The following LRP1B variants were observed in gnomAD, a reference collection of about 807,000 sequenced individuals.
LRP1B encodes low-density lipoprotein receptor-related protein 1B.
In LRP1B, 217 loss-of-function variants were observed where a neutral mutation model predicts 556.6. The ratio of observed to expected loss-of-function variants is 0.39; its 90% CI spans 0.35 to 0.44. The LOEUF (loss-of-function observed/expected upper bound fraction) is 0.44, where lower values mean the gene tolerates loss of function less well. LRP1B is among the 20% of genes least tolerant of loss of function. The probability of loss-of-function intolerance (pLI) is 1.00; values close to 1 mark genes in which losing one functional copy is unlikely to be tolerated. For missense variants in LRP1B, 5,053 were observed against 5,620.8 expected (o/e 0.90, Z 3.23); for synonymous variants, 2,047 against 1,865.8 (o/e 1.10, Z -2.50).
rs1211623356 is a variant in LRP1B, at chr2:140,568,442, GAAGA to G, written c.7195-26475_7195-26472del. On this transcript the variant is annotated intron_variant, in intron 43 of 90. Transcript: ENST00000389484. ...ACTTATAATTATTCTGTCAGAGAAA[GAAGA>G]AATAATGAAAAAAAGTAAAGGAAGT... Among the ~76,000 whole-genome samples the G allele has an allele frequency of 7.9e-5, 12 of 151,692 alleles. No homozygotes were observed. The East Asian group carries it at 2.3e-3, about 29-fold the overall frequency.
At chr2:140,545,040 T>C (rs2105030117) in intron 43 of LRP1B, among the ~76,000 whole-genome samples, 1 of 152,280 alleles carries the variant, frequency 6.6e-6, no homozygotes, top group African/African-American at 2.4e-5. Flanking sequence ...ATTTCTCTAA[T>C]GATCAGTCAT....
At chr2:140,705,453 C>T (rs1183630930) in intron 37 of LRP1B, among the ~76,000 whole-genome samples, 3 of 137,546 alleles carry the variant, frequency 2.2e-5, no homozygotes, top group Admixed American at 7.9e-5. Context: ...GAACCCGGGA[C>T]ACAGAGTCCG....
chr2:141,624,032 T>TAAAAAAAAAAAAAAAAAAA (rs761446527), intron 2 of LRP1B, among the ~76,000 whole-genome samples: 1 of 14,448 alleles, frequency 6.9e-5, no homozygotes, highest in Non-Finnish European at 1.7e-4. Context: ...AAAAAAAAAT[T>TAAAAAAAAAAAAAAAAAAA]AAACAAAAAA....
At chr2:140,812,057 A>T (rs1690946137) in intron 32 of LRP1B, among the ~76,000 whole-genome samples, 1 of 152,136 alleles carries the variant, frequency 6.6e-6, no homozygotes, top group African/African-American at 2.4e-5. Flanking sequence ...TATATAAGTA[A>T]AAGGTATAGC....
intron 7 of LRP1B, among the ~76,000 whole-genome samples, chr2:141,089,067 G>A (rs1488057976): frequency 6.6e-6 from 1 of 152,138 alleles, no homozygotes; most frequent in Non-Finnish European, 1.5e-5. Context: ...AACATTTTAA[G>A]TGACTACCTG....
rs970518223 is a variant in LRP1B at position 141,735,685 on chromosome 2, T to C, written c.205+74594A>G. Among the ~76,000 whole-genome samples the C allele has an allele frequency of 5.3e-5, 8 of 152,098 alleles. No individual in the cohort carries two copies. The East Asian group carries it at 1.5e-3, about 29-fold the overall frequency. On this transcript the variant is annotated intron_variant, in intron 2 of 90. Coordinates refer to ENST00000389484, the MANE Select transcript of LRP1B (RefSeq NM_018557.3). ...GGTATTCAGTGAGGTAGAACTTTTTTCTCTTCTGCAGAGCTTTATTTATGG... is the reference window on the plus strand; with the variant it reads ...GGTATTCAGTGAGGTAGAACTTTTTCCTCTTCTGCAGAGCTTTATTTATGG...
chr2:142,045,109 C>A (rs570941865), intron 1 of LRP1B, among the ~76,000 whole-genome samples: 1 of 147,818 alleles, frequency 6.8e-6, no homozygotes, highest in Non-Finnish European at 1.5e-5. Context: ...AATGCAAATA[C>A]GCATTTTCTA....
intron 7 of LRP1B, among the ~76,000 whole-genome samples, chr2:141,157,451 G>A (rs1320868210): frequency 1.3e-5 from 2 of 152,044 alleles, no homozygotes; most frequent in Admixed American, 6.6e-5. Flanking sequence ...AAACAAAACA[G>A]ATGGCAGAAA....
At chr2:141,712,770 A>G (rs1452879557) in intron 2 of LRP1B, among the ~76,000 whole-genome samples, 5 of 151,362 alleles carry the variant, frequency 3.3e-5, no homozygotes, top group Admixed American at 3.3e-4. Flanking sequence ...CCTGGATTCA[A>G]CTGAATCTCC....
chr2:140,671,647 A>AT (rs1685489778), intron 41 of LRP1B, among the ~76,000 whole-genome samples: 1 of 151,150 alleles, frequency 6.6e-6, no homozygotes, highest in Non-Finnish European at 1.5e-5. Context: ...CATCCTTAAC[A>AT]TTTTTTTCTC....
At chr2:140,989,015 C>A (rs948807956) in intron 17 of LRP1B, among the ~76,000 whole-genome samples, 1 of 151,776 alleles carries the variant, frequency 6.6e-6, no homozygotes, top group African/African-American at 2.4e-5. Context: ...AGATCTATTA[C>A]AATAGAGTAG....
At chr2:140,827,136 A>C (rs962002511) in intron 31 of LRP1B, among the ~76,000 whole-genome samples, 3 of 152,180 alleles carry the variant, frequency 2.0e-5, no homozygotes, top group Admixed American at 2.0e-4. Context: ...ACTGCAAAGA[A>C]ACTCTAAGCA....
chr2:140,690,401 G>T lies in LRP1B; in HGVS notation c.6799+9849C>A, dbSNP rs928214665. Among the ~76,000 whole-genome samples the T allele has an allele frequency of 4.7e-5, 7 of 150,204 alleles. No homozygotes were observed. The East Asian group carries it at 1.2e-3, about 25-fold the overall frequency. ...CAGGTCTTTACTTTTTTTTTTCAAT[G>T]AATGGCTCCTTGTACATGCAAAGAT... is the stretch of plus-strand genomic sequence containing the variant. On this transcript the variant is annotated intron_variant, in intron 41 of 90. Transcript: ENST00000389484.
chr2:140,287,818 G>A (rs1447047630), intron 84 of LRP1B, among the ~76,000 whole-genome samples: 1 of 151,548 alleles, frequency 6.6e-6, no homozygotes, highest in Non-Finnish European at 1.5e-5. Flanking sequence ...TTCATATTAT[G>A]GAGGATCTAT....
At chr2:141,882,349 T>C (rs371708027) in intron 1 of LRP1B, among the ~76,000 whole-genome samples, 1 of 152,116 alleles carries the variant, frequency 6.6e-6, no homozygotes, top group African/African-American at 2.4e-5. Flanking sequence ...ATAAAAAATT[T>C]GAAGATTACG....
rs548000604 is a variant in LRP1B at position 140,433,621 on chromosome 2, TAAC to T, written c.10414+8880_10414+8882del. 4.1e-3 allele frequency among the ~76,000 whole-genome samples: 621 copies of T among 152,284 alleles called. 5 individuals carry two copies. The highest frequency in any genetic ancestry group is 0.014 in the African/African-American group (578 of 41,558). On this transcript the variant is annotated intron_variant, in intron 66 of 90. Transcript: ENST00000389484. ...TTTACACTTACAACAAAATGACTAA[TAAC>T]AAATTATTGTACATAGGCACATATT...
chr2:141,203,259 G>A (rs1490193736), intron 6 of LRP1B, among the ~76,000 whole-genome samples: 1 of 151,932 alleles, frequency 6.6e-6, no homozygotes, highest in Admixed American at 6.6e-5. Flanking sequence ...TGGAAAAAGA[G>A]TCAAGACCCA....
intron 1 of LRP1B, among the ~76,000 whole-genome samples, chr2:141,932,413 G>C (rs980046620): frequency 5.9e-5 from 9 of 151,944 alleles, no homozygotes; most frequent in Non-Finnish European, 1.3e-4. Flanking sequence ...ATTAACATGA[G>C]AAGTAAAGTG....
chr2:141,947,103 C>T (rs1001578814), intron 1 of LRP1B, among the ~76,000 whole-genome samples: 4 of 151,808 alleles, frequency 2.6e-5, no homozygotes, highest in African/African-American at 9.7e-5. Context: ...GTAGATGAGG[C>T]GATCAATATG....
Sources: allele counts gnomAD v4.1 joint callset (sites outside exome capture counted in the v4.1 genomes callset), GRCh38; gene constraint gnomAD v4.1.1; transcripts MANE v1.5; gene names NCBI Gene and HGNC (gene_info 2026-07-23, HGNC 2026-07-21).